The following CEP128 variants were observed in gnomAD, a reference collection of about 807,000 sequenced individuals.
The protein encoded by CEP128 is centrosomal protein 128.
Under a neutral mutation model 156.7 loss-of-function variants are expected in CEP128, and 132 were observed. That is an observed-to-expected ratio of 0.84 (90% confidence interval 0.73 to 0.97). The LOEUF is 0.97. Among genes scored for constraint, CEP128 ranks in the 50% least tolerant of loss-of-function variants. The pLI, the probability that CEP128 is intolerant of heterozygous loss-of-function variation, is 0.00. For missense variants in CEP128, 1,252 were observed against 1,281.9 expected (o/e 0.98, Z 0.36); for synonymous variants, 469 against 448.9 (o/e 1.04, Z -0.57).
At chr14:80,808,265 A>G (rs1884299623) in intron 13 of CEP128, among the ~76,000 whole-genome samples, 1 of 152,240 alleles carries the variant, frequency 6.6e-6, no homozygotes, top group East Asian at 1.9e-4. Flanking sequence ...GGGGCTGTGC[A>G]TGGCAACTAT....
intron 21 of CEP128, among the ~76,000 whole-genome samples, chr14:80,543,973 A>G (rs1889875639): frequency 6.6e-6 from 1 of 152,146 alleles, no homozygotes; most frequent in African/African-American, 2.4e-5. Context: ...AAAACATGCA[A>G]TACTCCGAAA....
At chr14:80,517,291 T>C (rs1332123397) in intron 23 of CEP128, among the ~76,000 whole-genome samples, 2 of 152,166 alleles carry the variant, frequency 1.3e-5, no homozygotes, top group East Asian at 1.9e-4. Flanking sequence ...CTTGGTCTTC[T>C]AGATTTCTAC....
intron 19 of CEP128, among the ~76,000 whole-genome samples, chr14:80,617,746 A>AGCCTGGGCAACATGGTGAGACCC (rs1893287714): frequency 6.6e-6 from 1 of 151,564 alleles, no homozygotes; most frequent in East Asian, 1.9e-4. Context: ...GTCGGAGACC[A>AGCCTGGGCAACATGGTGAGACCC]GCCTGGGCAA....
chr14:80,672,798 A>G (rs1378059542), intron 19 of CEP128, among the ~76,000 whole-genome samples: 1 of 152,202 alleles, frequency 6.6e-6, no homozygotes, highest in Non-Finnish European at 1.5e-5. Context: ...CTACTATAGC[A>G]TCTGGGGATA....
At chr14:80,518,371 T>C (rs1340259556) in intron 23 of CEP128, among the ~76,000 whole-genome samples, 1 of 151,904 alleles carries the variant, frequency 6.6e-6, no homozygotes, top group African/African-American at 2.4e-5. Flanking sequence ...TAGCCCTGTC[T>C]CTCATTATGA....
intron 19 of CEP128, among the ~76,000 whole-genome samples, chr14:80,736,519 T>TACACAC (rs60552397): frequency 1.3e-5 from 2 of 149,710 alleles, no homozygotes; most frequent in Middle Eastern, 3.4e-3. Context: ...TACACACACA[T>TACACAC]ACACACACAC....
intron 19 of CEP128, among the ~76,000 whole-genome samples, chr14:80,657,970 C>A (rs74066058): frequency 1.3e-5 from 2 of 151,850 alleles, no homozygotes; most frequent in African/African-American, 2.4e-5. Flanking sequence ...AAATTCAAGG[C>A]TCCATTGAAT....
chr14:80,802,702 G>T (rs1883949128), intron 13 of CEP128, among the ~76,000 whole-genome samples: 1 of 151,968 alleles, frequency 6.6e-6, no homozygotes, highest in Non-Finnish European at 1.5e-5. Context: ...GAAAAGTAAG[G>T]TCAGAAATTG....
chr14:80,700,114 C>A (rs531732891), intron 19 of CEP128, among the ~76,000 whole-genome samples: 1 of 152,240 alleles, frequency 6.6e-6, no homozygotes, highest in Non-Finnish European at 1.5e-5. Flanking sequence ...AATACTATAA[C>A]GCTAGTGAAA....
intron 10 of CEP128, among the ~76,000 whole-genome samples, chr14:80,840,456 A>G (rs73338195): frequency 0.021 from 3,162 of 152,238 alleles, 40 homozygotes; most frequent in Middle Eastern, 0.068. Flanking sequence ...TTCACCTCTC[A>G]GAAAGGAGAA....
intron 19 of CEP128, among the ~76,000 whole-genome samples, chr14:80,640,467 AT>A (rs1450998537): frequency 6.6e-6 from 1 of 152,174 alleles, no homozygotes; most frequent in Non-Finnish European, 1.5e-5. Flanking sequence ...TCCAATGGAC[AT>A]TTTAAATTGC....
chr14:80,520,854 G>A (rs539585374), intron 23 of CEP128, among the ~76,000 whole-genome samples: 2 of 151,954 alleles, frequency 1.3e-5, no homozygotes, highest in South Asian at 4.2e-4. Context: ...ATGGAGTCTC[G>A]CTCTGTCACC....
chr14:80,653,346 A>AAC (rs200863097), intron 19 of CEP128, among the ~76,000 whole-genome samples: 1 of 151,896 alleles, frequency 6.6e-6, no homozygotes, highest in East Asian at 1.9e-4. Context: ...TAAAAAAAAA[A>AAC]GTTGGAAGGT....
chr14:80,513,704 C>T (rs894317544), intron 23 of CEP128, among the ~76,000 whole-genome samples: 3 of 152,166 alleles, frequency 2.0e-5, no homozygotes, highest in African/African-American at 7.2e-5. Context: ...TATACATTCT[C>T]ATCAGATGGG....
At chr14:80,834,116 A>C (rs1028366294) in intron 12 of CEP128, among the ~76,000 whole-genome samples, 2 of 152,212 alleles carry the variant, frequency 1.3e-5, no homozygotes, top group Admixed American at 1.3e-4. Context: ...TCTAGGTGAT[A>C]ATTTTTAATC....
chr14:80,564,270 T>C (rs1454839676), intron 20 of CEP128, among the ~76,000 whole-genome samples: 8 of 152,234 alleles, frequency 5.3e-5, no homozygotes, highest in Admixed American at 1.3e-4. Context: ...ACTGCATAGA[T>C]ATTGGATTAC....
intron 19 of CEP128, among the ~76,000 whole-genome samples, chr14:80,670,532 A>T (rs535323416): frequency 1.3e-5 from 2 of 152,212 alleles, no homozygotes; most frequent in African/African-American, 2.4e-5. Flanking sequence ...CTCAGAAACA[A>T]AAAGTCAAAT....
Position 80,831,253 on chromosome 14 carries a change from C to A in CEP128, c.1099G>T (p.Asp367Tyr). 6.2e-7 allele frequency: 1 copy of A among 1,614,056 alleles called. No homozygotes were observed. Among genetic ancestry groups the A allele is most frequent in the Non-Finnish European group, 8.5e-7 (1 of 1,179,984 alleles). The change falls in exon 13 of 25, where the codon GAT becomes TAT. Residue 367 changes from aspartate (D) to tyrosine (Y), a missense_variant. Asp to Tyr is a radical substitution (Grantham distance 160, BLOSUM62 -3). Coordinates refer to ENST00000555265, the MANE Select transcript of CEP128 (RefSeq NM_152446.5). Reference protein sequence around the residue: ...EKQDLEKQMSDLRVQLNFSAM... With the variant: ...EKQDLEKQMSYLRVQLNFSAM... The stretch of plus-strand genomic sequence containing the variant: ...CTGAAGTTCAGCTGCACTCTCAAAT[C>A]TGACATTTGCTTCTCCAGGTCCTGT...
intron 2 of CEP128, among the ~76,000 whole-genome samples, chr14:80,924,795 T>C (rs1027529067): frequency 6.6e-6 from 1 of 151,622 alleles, no homozygotes; most frequent in Non-Finnish European, 1.5e-5. Context: ...GCCACTACTA[T>C]AACTAAAGAA....
Sources: allele counts gnomAD v4.1 joint callset (sites outside exome capture counted in the v4.1 genomes callset), GRCh38; gene constraint gnomAD v4.1.1; transcripts MANE v1.5; gene names NCBI Gene and HGNC (gene_info 2026-07-23, HGNC 2026-07-21).